Variants in C2CD5 observed in about 807,000 individuals in gnomAD.
C2CD5 encodes the protein C2 domain-containing protein 5.
Under a neutral mutation model 130.3 loss-of-function variants are expected in C2CD5, and 109 were observed. The observed-to-expected ratio is 0.84, with a 90% CI of 0.72 to 0.98. The LOEUF (loss-of-function observed/expected upper bound fraction) is 0.98, where lower values mean the gene tolerates loss of function less well. C2CD5 is among the 50% of genes least tolerant of loss of function. The probability of loss-of-function intolerance (pLI) is 0.00; values close to 1 mark genes in which losing one functional copy is unlikely to be tolerated. For missense variants in C2CD5, 996 were observed against 1,261.8 expected (o/e 0.79, Z 3.19); for synonymous variants, 454 against 429.2 (o/e 1.06, Z -0.71).
chr12:22,491,379 CTTTT>C (rs566559690), intron 11 of C2CD5, among the ~76,000 whole-genome samples: 1 of 152,204 alleles, frequency 6.6e-6, no homozygotes, highest in South Asian at 2.1e-4. Flanking sequence ...TATGCCTCTT[CTTTT>C]TATTTATATA....
intron 9 of C2CD5, 63 bp from the exon 10 acceptor site, chr12:22,506,882 T>C (rs911172426): frequency 3.0e-6 from 3 of 1,001,850 alleles, no homozygotes; most frequent in Non-Finnish European, 3.2e-6. Flanking sequence ...AATTTGCTTA[T>C]TAAAAAGCTT....
In C2CD5 at chr12:22,472,773, G is replaced by A. The variant is rs1240687014; in HGVS notation, c.2078C>T (p.Ser693Phe). 1 of 1,587,046 alleles carries A rather than the reference G, an allele frequency of 6.3e-7. No homozygotes were observed. The highest frequency in any genetic ancestry group is 8.7e-7 in the Non-Finnish European group (1 of 1,155,934). ...DDTDAMEDVH[S>F]LLTDVPPPSG... is the part of the protein sequence containing the mutation. ...AGGAGGAGGAACATCAGTAAGTAGAGAATGGACATCTTCCATGGCATCTGT... is the reference window on the plus strand; with the variant it reads ...AGGAGGAGGAACATCAGTAAGTAGAAAATGGACATCTTCCATGGCATCTGT... The change falls in exon 17 of 27, where the codon TCT (serine) becomes TTT (phenylalanine). Residue 693 changes from serine (S) to phenylalanine (F), a missense_variant. Physicochemically the swap from Ser to Phe is radical, Grantham distance 155. This residue lies in a region of C2CD5 where 590 missense variants were observed against 631.4 expected (regional missense o/e 0.93). Coordinates refer to ENST00000446597, the MANE Select transcript of C2CD5 (RefSeq NM_001286176.2).
chr12:22,505,250 CTTTCTTTTTTTTT>C (rs1948351846), intron 10 of C2CD5, among the ~76,000 whole-genome samples: 1 of 138,746 alleles, frequency 7.2e-6, no homozygotes, highest in South Asian at 2.2e-4. Flanking sequence ...ACCCTTCTTT[CTTTCTTTTTTTTT>C]TTTTTTTTTT....
At chr12:22,530,744 A>G (rs916439562) in intron 3 of C2CD5, among the ~76,000 whole-genome samples, 2 of 152,230 alleles carry the variant, frequency 1.3e-5, no homozygotes, top group South Asian at 4.1e-4. Flanking sequence ...GCTGTGAGCC[A>G]CTGCACCCAG....
chr12:22,537,084 A>C (rs1234453825), intron 2 of C2CD5, among the ~76,000 whole-genome samples: 1 of 152,242 alleles, frequency 6.6e-6, no homozygotes, highest in Non-Finnish European at 1.5e-5. Flanking sequence ...CTCAACTGCC[A>C]AAAGTAGTAC....
At chr12:22,482,294 C>G (rs1591787503) in intron 14 of C2CD5, among the ~76,000 whole-genome samples, 1 of 152,048 alleles carries the variant, frequency 6.6e-6, no homozygotes, top group East Asian at 1.9e-4. Flanking sequence ...TAATAAAGTC[C>G]AGAAAAACTG....
chr12:22,533,465 C>T (rs1220747733), intron 3 of C2CD5, among the ~76,000 whole-genome samples: 1 of 152,138 alleles, frequency 6.6e-6, no homozygotes, highest in Non-Finnish European at 1.5e-5. Flanking sequence ...CCTATAATCT[C>T]CTGGAGGATT....
chr12:22,476,498 A>T (rs1206841705), intron 15 of C2CD5, among the ~76,000 whole-genome samples: 1 of 152,142 alleles, frequency 6.6e-6, no homozygotes, highest in Non-Finnish European at 1.5e-5. Context: ...TTAAAATCAT[A>T]ATAGATTTAC....
At chr12:22,497,907 TACACACAC>T (rs3063916) in intron 10 of C2CD5, among the ~76,000 whole-genome samples, 7,462 of 145,692 alleles carry the variant, frequency 0.051, 617 homozygotes, top group African/African-American at 0.18. Context: ...TGCACACACA[TACACACAC>T]ACACACACAC....
intron 21 of C2CD5, among the ~76,000 whole-genome samples, 159 bp downstream of exon 21, chr12:22,470,665 G>A (rs969056054): frequency 6.6e-5 from 10 of 152,050 alleles, no homozygotes; most frequent in African/African-American, 9.7e-5. Context: ...TCAGCCATAC[G>A]CTTATCCACA....
At chr12:22,536,445 T>C (rs1489417878) in intron 2 of C2CD5, among the ~76,000 whole-genome samples, 1 of 152,142 alleles carries the variant, frequency 6.6e-6, no homozygotes, top group Non-Finnish European at 1.5e-5. Context: ...TACCAGGAAT[T>C]TAACCTACAG....
chr12:22,493,732 T>G (rs780670551), intron 10 of C2CD5, among the ~76,000 whole-genome samples: 6 of 152,054 alleles, frequency 3.9e-5, no homozygotes, highest in Non-Finnish European at 1.5e-5. Context: ...AATTTAACTT[T>G]AATTCTGATT....
chr12:22,518,859 A>C (rs1950010860), intron 7 of C2CD5, among the ~76,000 whole-genome samples: 1 of 152,240 alleles, frequency 6.6e-6, no homozygotes, highest in East Asian at 1.9e-4. Context: ...AATTCACAGT[A>C]CACACATACA....
At chr12:22,512,508 T>TA (rs970263180) in intron 9 of C2CD5, 14,941 of 500,246 alleles carry the variant, frequency 0.03, no homozygotes, top group South Asian at 0.041. Flanking sequence ...TGCTATTAAA[T>TA]AAAAAAAAAA....
chr12:22,543,473 A>AT lies in C2CD5; in HGVS notation c.90+587dup, dbSNP rs1367696493. On this transcript the variant is annotated intron_variant, in intron 2 of 26. Transcript: ENST00000446597. ...TTGTGTTTTAGAACGTGCATGGCAG[A>AT]TTCACAAAATGTTAGGCATGAGAGT... Among the ~76,000 whole-genome samples, 59 of 152,354 alleles carry AT rather than the reference A, an allele frequency of 3.9e-4. 1 individual carries two copies. The highest frequency in any genetic ancestry group is 1.4e-3 in the African/African-American group (58 of 41,584).
At chr12:22,485,458 C>T (rs998991683) in intron 12 of C2CD5, among the ~76,000 whole-genome samples, 2 of 151,704 alleles carry the variant, frequency 1.3e-5, no homozygotes, top group African/African-American at 4.8e-5. Flanking sequence ...TAAATATATA[C>T]AGCTACTAGG....
At chr12:22,490,556 T>G (rs1396441826) in intron 11 of C2CD5, among the ~76,000 whole-genome samples, 1 of 152,126 alleles carries the variant, frequency 6.6e-6, no homozygotes, top group Non-Finnish European at 1.5e-5. Context: ...GAATCTAGCA[T>G]TAATCAATGA....
intron 15 of C2CD5, among the ~76,000 whole-genome samples, chr12:22,477,785 T>C (rs74068595): frequency 0.052 from 7,891 of 152,210 alleles, 707 homozygotes; most frequent in African/African-American, 0.18. Flanking sequence ...GGAGCAAATT[T>C]GTAAAAAAAG....
At chr12:22,494,780 T>G (rs556411569) in intron 10 of C2CD5, among the ~76,000 whole-genome samples, 3 of 152,240 alleles carry the variant, frequency 2.0e-5, no homozygotes, top group African/African-American at 7.2e-5. Flanking sequence ...AAGAAATGTG[T>G]GAACAATTAA....
Sources: gnomAD v4.1 joint callset for allele counts (sites outside exome capture counted in the v4.1 genomes callset) on GRCh38, gnomAD v4.1.1 for gene constraint, gnomAD v4.1.1 regional missense constraint, MANE v1.5 for transcripts, NCBI Gene and HGNC (gene_info 2026-07-23, HGNC 2026-07-21) for gene names.